Variants in SLC19A2 observed in about 807,000 individuals in gnomAD.
SLC19A2 encodes thiamine transporter 1.
In SLC19A2, 27 loss-of-function variants were observed where a neutral mutation model predicts 44.7. That is an observed-to-expected ratio of 0.60 (90% CI 0.45 to 0.83). SLC19A2 has a LOEUF of 0.83. Ranked by LOEUF, SLC19A2 falls within the 40% of genes least tolerant of loss-of-function variation. SLC19A2 has a pLI of 0.00. For missense variants in SLC19A2, 566 were observed against 613.7 expected (o/e 0.92, Z 0.82); for synonymous variants, 239 against 243.6 (o/e 0.98, Z 0.18).
At chr1:169,482,215 T>A (rs538988620) in intron 1 of SLC19A2, among the ~76,000 whole-genome samples, 51 of 142,738 alleles carry the variant, frequency 3.6e-4, no homozygotes, top group South Asian at 6.6e-4. Context: ...AAATAAAAAT[T>A]AAAATTAAAA....
chr1:169,477,130 A>C, intron 2 of SLC19A2, 25 bp downstream of exon 2: 1 of 1,612,902 alleles, frequency 6.2e-7, no homozygotes, highest in South Asian at 1.1e-5. Context: ...AGTAGCAATT[A>C]CAAGATATTT....
rs1240865579 is a variant in SLC19A2 at position 169,485,775 on chromosome 1, C to CGAGGG, written c.-14_-10dup. 1.1e-5 allele frequency: 17 copies of CGAGGG among 1,527,856 alleles called. 1 individual carries two copies. Among genetic ancestry groups the CGAGGG allele is most frequent in the Middle Eastern group, 2.2e-4 (1 of 4,466 alleles). 94.6% of individuals were successfully genotyped at this position (1,527,856 alleles called of 1,614,324 possible). A position where few individuals can be genotyped will look rare whatever the true frequency, so the allele number is the denominator to read the frequency against. On this transcript the variant is annotated 5_prime_UTR_variant, in exon 1 of 6. Coordinates refer to ENST00000236137, the MANE Select transcript of SLC19A2 (RefSeq NM_006996.3). ...GGGCCGGGCACATCCATCCGGGGCGCGAGGGGAGGGGACCCGGCCCGGCCC... is the reference window on the plus strand; with the variant it reads ...GGGCCGGGCACATCCATCCGGGGCGCGAGGGGAGGGGAGGGGACCCGGCCCGGCCC...
rs745523607 is a variant in SLC19A2 at position 169,477,217 on chromosome 1, C to T, written c.745G>A (p.Gly249Ser). The T allele has an allele frequency of 6.2e-7, 1 of 1,614,110 alleles. No individual in the cohort carries two copies. Among genetic ancestry groups the T allele is most frequent in the South Asian group, 1.1e-5 (1 of 91,076 alleles). The stretch of plus-strand genomic sequence containing the variant: ...ATTTTTGACTCAATGTCCTCCCAGC[C>T]AGGAAGGTGGTTAGAAGCTGGGGTG... The part of the protein sequence containing the change: ...TDTPASNHLP[G>S]WEDIESKIPL... Residue 249 changes from glycine to serine, a missense_variant, in exon 2 of 6, where the codon GGC becomes AGC. Physicochemically the swap from Gly to Ser is moderately conservative, Grantham distance 56. Coordinates refer to ENST00000236137, the MANE Select transcript of SLC19A2 (RefSeq NM_006996.3).
Position 169,473,085 on chromosome 1 carries a change from C to T in SLC19A2, c.808-2899G>A, listed in dbSNP as rs74121674. Among the ~76,000 whole-genome samples the T allele has an allele frequency of 9.2e-3, 1,393 of 152,204 alleles. 24 individuals carry two copies. The highest frequency in any genetic ancestry group is 0.031 in the African/African-American group (1,281 of 41,530). On this transcript the variant is annotated intron_variant, in intron 2 of 5. Transcript: ENST00000236137. ...CTCAATTTTTATTTACTTATCATAACGGGCATCTAGTTTCAGATTTCATTT... is the reference window on the plus strand; with the variant it reads ...CTCAATTTTTATTTACTTATCATAATGGGCATCTAGTTTCAGATTTCATTT...
Position 169,485,564 on chromosome 1 carries a change from TC to T in SLC19A2, c.202del (p.Glu68ArgfsTer60), listed in dbSNP as rs1658538909. 1 of 1,583,482 alleles carries T rather than the reference TC, an allele frequency of 6.3e-7. No individual in the cohort carries two copies. The highest frequency in any genetic ancestry group is 8.6e-7 in the Non-Finnish European group (1 of 1,165,430). ...GCGCCCCGCGTCCGCCGCGCGTACC[TC>T]CCTCTCGGTCAGGTTCTTGTCCGGC... ...LGPDKNLTER[E>X]VFNEIYPVWT... On this transcript the variant is annotated frameshift_variant and splice_region_variant, in exon 1 of 6. Transcript: ENST00000236137. LOFTEE classifies it high-confidence loss of function.
intron 1 of SLC19A2, among the ~76,000 whole-genome samples, chr1:169,483,087 G>T (rs1658478941): frequency 6.6e-6 from 1 of 152,102 alleles, no homozygotes; most frequent in Non-Finnish European, 1.5e-5. Context: ...TTACACACTG[G>T]TATCTGTTTT....
At chr1:169,477,087 T>G in intron 2 of SLC19A2, 68 bp downstream of exon 2, 1 of 1,559,236 alleles carries the variant, frequency 6.4e-7, no homozygotes, top group South Asian at 1.1e-5. Context: ...AGAGGGAGTT[T>G]GCTGTTTTTT....
rs1319086936 is a variant in SLC19A2 at position 169,470,201 on chromosome 1, G to A, written c.808-15C>T. On this transcript the variant is annotated splice_polypyrimidine_tract_variant and intron_variant, in intron 2 of 5. Coordinates refer to ENST00000236137, the MANE Select transcript of SLC19A2 (RefSeq NM_006996.3). ...GGCTTGGGTTCCTACATAGCAAAAGGGAACAATGCTCAAACTCTGATGAAG... is the reference window on the plus strand; with the variant it reads ...GGCTTGGGTTCCTACATAGCAAAAGAGAACAATGCTCAAACTCTGATGAAG... 6.2e-7 allele frequency: 1 copy of A among 1,606,898 alleles called. No homozygotes were observed. The highest frequency in any genetic ancestry group is 2.2e-5 in the East Asian group (1 of 44,844).
intron 1 of SLC19A2, among the ~76,000 whole-genome samples, chr1:169,483,673 T>C (rs1658490843): frequency 1.3e-5 from 2 of 152,244 alleles, no homozygotes; most frequent in South Asian, 4.1e-4. Context: ...CACATGATCT[T>C]GGTAGCACGT....
intron 1 of SLC19A2, among the ~76,000 whole-genome samples, chr1:169,481,356 C>T (rs1232373932): frequency 6.6e-6 from 1 of 152,224 alleles, no homozygotes; most frequent in Admixed American, 6.5e-5. Flanking sequence ...ATCCGCCACA[C>T]TAAAATGCCT....
chr1:169,471,698 GTATATA>G (rs1553212203), intron 2 of SLC19A2, among the ~76,000 whole-genome samples: 3 of 146,882 alleles, frequency 2.0e-5, no homozygotes, highest in African/African-American at 7.6e-5. Flanking sequence ...GTGTGTGTGT[GTATATA>G]TACACACACA....
chr1:169,477,818 C>G, intron 1 of SLC19A2, 61 bp from the exon 2 acceptor site: 1 of 1,513,170 alleles, frequency 6.6e-7, no homozygotes, highest in Non-Finnish European at 8.9e-7. Context: ...CTGGAATACT[C>G]ATAAAGAATT....
At chr1:169,466,273 C>T (rs3946152) in intron 5 of SLC19A2, among the ~76,000 whole-genome samples, 28 of 152,244 alleles carry the variant, frequency 1.8e-4, no homozygotes, top group Non-Finnish European at 3.2e-4. Flanking sequence ...CACTTTACAG[C>T]GATGTTGGTA....
At chr1:169,477,122 T>C in intron 2 of SLC19A2, 33 bp downstream of exon 2, 1 of 1,612,350 alleles carries the variant, frequency 6.2e-7, no homozygotes. Context: ...GCCCCCATAG[T>C]AGCAATTACA....
chr1:169,481,485 T>TAA (rs1031050002), intron 1 of SLC19A2, among the ~76,000 whole-genome samples: 2 of 152,246 alleles, frequency 1.3e-5, no homozygotes, highest in African/African-American at 4.8e-5. Flanking sequence ...CATGAAGAGA[T>TAA]AAAGACTACA....
intron 1 of SLC19A2, among the ~76,000 whole-genome samples, chr1:169,483,820 A>G (rs766514216): frequency 1.3e-4 from 20 of 152,236 alleles, no homozygotes; most frequent in Non-Finnish European, 2.1e-4. Flanking sequence ...GGCAGTTCAC[A>G]TGAAACTTTA....
chr1:169,474,909 G>A (rs1339498837), intron 2 of SLC19A2, among the ~76,000 whole-genome samples: 1 of 152,024 alleles, frequency 6.6e-6, no homozygotes, highest in Non-Finnish European at 1.5e-5. Flanking sequence ...TGACATGATG[G>A]TTCTGACATT....
rs1221106136 is a variant in SLC19A2, at chr1:169,468,921, T to C, written c.1031-85A>G. The C allele has an allele frequency of 4.0e-6, 5 of 1,255,028 alleles. No individual in the cohort carries two copies. In the African/African-American group the frequency reaches 4.5e-5, roughly 11 times the overall value. 77.7% of individuals were successfully genotyped at this position (1,255,028 alleles called of 1,614,324 possible). On this transcript the variant is annotated intron_variant, in intron 3 of 5. Coordinates refer to ENST00000236137, the MANE Select transcript of SLC19A2 (RefSeq NM_006996.3). ...TAAAAACTCAGCTTAGATTATTAAA[T>C]TTTAAAATCTGCAAACTTATAAACA...
At chr1:169,467,238 C>T (rs187357316) in intron 5 of SLC19A2, among the ~76,000 whole-genome samples, 1 of 152,136 alleles carries the variant, frequency 6.6e-6, no homozygotes, top group East Asian at 1.9e-4. Flanking sequence ...TGGTTTAACT[C>T]TAAGCTCTGG....
Sources: gnomAD v4.1 joint callset for allele counts (sites outside exome capture counted in the v4.1 genomes callset) on GRCh38, gnomAD v4.1.1 for gene constraint, MANE v1.5 for transcripts, NCBI Gene and HGNC (gene_info 2026-07-23, HGNC 2026-07-21) for gene names.